Variants in PGM3 observed in about 807,000 individuals in gnomAD.
PGM3 encodes phosphoglucomutase 3.
In PGM3, 40 loss-of-function variants were observed where a neutral mutation model predicts 66.2. The ratio of observed to expected loss-of-function variants is 0.60; its 90% CI spans 0.47 to 0.79. The LOEUF (loss-of-function observed/expected upper bound fraction) is 0.79, where lower values mean the gene tolerates loss of function less well. Among genes scored for constraint, PGM3 ranks in the 30% least tolerant of loss-of-function variants. The pLI is 0.00. For missense variants in PGM3, 537 were observed against 643.4 expected (o/e 0.83, Z 1.79); for synonymous variants, 191 against 224.2 (o/e 0.85, Z 1.32).
chr6:83,174,293 T>C lies in PGM3; in HGVS notation c.1242+81A>G, dbSNP rs1787583558. On this transcript the variant is annotated intron_variant, in intron 10 of 12. Transcript: ENST00000513973. ...GGCCAGGACGTCTCCACTTTAATTT[T>C]GTATGCACCCACACTCTGTTCTGTC... 4.1e-6 allele frequency: 3 copies of C among 732,362 alleles called. No homozygotes were observed. In the Admixed American group the frequency reaches 8.7e-5, roughly 21 times the overall value. 45.4% of individuals were successfully genotyped at this position (732,362 alleles called of 1,614,324 possible). A position where few individuals can be genotyped will look rare whatever the true frequency, so the allele number is the denominator to read the frequency against.
At position 83,187,043 on chromosome 6, in the gene PGM3, A is replaced by G; in HGVS notation, c.422T>C (p.Ile141Thr). The stretch of plus-strand genomic sequence containing the variant: ...ACCTCCTAGAACAGTCACACCATCT[A>G]TTACAGATTGTGAAAGTTTCTCACT... ...PSSEKLSQSV[I>T]DGVTVLGGQF... is the part of the protein sequence containing the mutation. Residue 141 changes from isoleucine (I) to threonine (T), a missense_variant, in exon 4 of 13, where the codon ATA becomes ACA. Coordinates refer to ENST00000513973, the MANE Select transcript of PGM3 (RefSeq NM_015599.3). The G allele has an allele frequency of 6.2e-7, 1 of 1,603,104 alleles. No homozygotes were observed. Among genetic ancestry groups the G allele is most frequent in the African/African-American group, 1.3e-5 (1 of 74,870 alleles).
At chr6:83,159,691 T>C (rs1057095743), downstream of PGM3, 1 of 1,274,126 alleles carries the variant, frequency 7.8e-7, no homozygotes, top group Non-Finnish European at 1.1e-6. Flanking sequence ...GGCACATTTA[T>C]CTCAGGATGA....
intron 8 of PGM3, among the ~76,000 whole-genome samples, chr6:83,177,186 C>G (rs1019537741): frequency 2.6e-4 from 39 of 152,126 alleles, no homozygotes; most frequent in African/African-American, 8.7e-4. Context: ...CTGCAGGAAT[C>G]TGACTTTGTA....
At chr6:83,158,567 G>T (rs1253375174), downstream of PGM3, 6 of 1,598,800 alleles carry the variant, frequency 3.8e-6, no homozygotes, top group Non-Finnish European at 5.1e-6. Flanking sequence ...CCATTTTCAG[G>T]TACAAGTATT....
At chr6:83,189,947 G>C (rs1788918797) in intron 2 of PGM3, among the ~76,000 whole-genome samples, 1 of 152,210 alleles carries the variant, frequency 6.6e-6, no homozygotes, top group Non-Finnish European at 1.5e-5. Flanking sequence ...GAAACTCACA[G>C]AAACACAGAG....
chr6:83,154,080 C>T, the PGM3 span: 3 of 1,612,982 alleles, frequency 1.9e-6, no homozygotes, highest in East Asian at 2.2e-5. Flanking sequence ...GCATGATGCA[C>T]CTCACAGTCT....
chr6:83,170,774 G>A (rs1472248526), intron 11 of PGM3: 1 of 235,286 alleles, frequency 4.3e-6, no homozygotes, highest in Non-Finnish European at 8.2e-6. Context: ...AACAGGATAA[G>A]TGGTAGCCCA....
chr6:83,169,044 T>A lies in PGM3; in HGVS notation c.*190A>T. 1 of 1,375,598 alleles carries A rather than the reference T, an allele frequency of 7.3e-7. No homozygotes were observed. The allele number at this position is 1,375,598 out of a possible 1,614,324, so 85.2% of individuals were successfully genotyped here. On this transcript the variant is annotated 3_prime_UTR_variant, in exon 13 of 13. Coordinates refer to ENST00000513973, the MANE Select transcript of PGM3 (RefSeq NM_015599.3). The stretch of plus-strand genomic sequence containing the variant: ...GACTGAAATTAGAGGTAAATTTCTT[T>A]AACAAGTGTAAGGCTTACCTATTTA...
chr6:83,172,167 C>T, intron 10 of PGM3, 108 bp from the exon 11 acceptor site: 1 of 1,052,070 alleles, frequency 9.5e-7, no homozygotes, highest in South Asian at 1.5e-5. Context: ...CAACCTGAAT[C>T]TGAAACATGC....
rs1446056675 is a variant in PGM3 at position 83,168,180 on chromosome 6, G to A, written c.*1054C>T. Reference sequence around the variant, plus strand: ...GATAAAAACTTGAGCACCATTGCTGGTTCCATTTAGCTTACATGTAAATGT... The same window carrying A: ...GATAAAAACTTGAGCACCATTGCTGATTCCATTTAGCTTACATGTAAATGT... On this transcript the variant is annotated 3_prime_UTR_variant, in exon 13 of 13. Coordinates refer to ENST00000513973, the MANE Select transcript of PGM3 (RefSeq NM_015599.3). 6.2e-7 allele frequency: 1 copy of A among 1,604,022 alleles called. No individual in the cohort carries two copies. Among genetic ancestry groups the A allele is most frequent in the African/African-American group, 1.3e-5 (1 of 74,352 alleles).
intron 6 of PGM3, among the ~76,000 whole-genome samples, chr6:83,180,862 T>A (rs1214549515): frequency 6.6e-6 from 1 of 152,228 alleles, no homozygotes; most frequent in Non-Finnish European, 1.5e-5. Flanking sequence ...GGCAACTGGA[T>A]GAAGTCTGTA....
intron 10 of PGM3, 47 bp downstream of exon 10, chr6:83,174,327 G>A: frequency 1.0e-6 from 1 of 991,126 alleles, no homozygotes; most frequent in Non-Finnish European, 1.6e-6. Context: ...TCCATCTTCT[G>A]AATAATGTAA....
At chr6:83,151,556 A>G in the PGM3 span, 1 of 1,546,530 alleles carries the variant, frequency 6.5e-7, no homozygotes, top group Non-Finnish European at 8.8e-7. Context: ...TTTTAGCCTG[A>G]TATTTCCCGT....
chr6:83,168,500 A>G lies in PGM3; in HGVS notation c.*734T>C. 1 of 1,016,900 alleles carries G rather than the reference A, an allele frequency of 9.8e-7. No homozygotes were observed. The highest frequency in any genetic ancestry group is 1.2e-6 in the Non-Finnish European group (1 of 850,472). The allele number at this position is 1,016,900 out of a possible 1,614,324, so 63.0% of individuals were successfully genotyped here. Reference sequence around the variant, plus strand: ...TGGTTTCAGACTTGGTTCAATTAAGATTGGTTGGGGATTTTTCTCTTTTCC... The same window carrying G: ...TGGTTTCAGACTTGGTTCAATTAAGGTTGGTTGGGGATTTTTCTCTTTTCC... On this transcript the variant is annotated 3_prime_UTR_variant, in exon 13 of 13. Transcript: ENST00000513973.
intron 2 of PGM3, among the ~76,000 whole-genome samples, chr6:83,190,242 C>T (rs1310121948): frequency 6.6e-6 from 1 of 152,114 alleles, no homozygotes; most frequent in African/African-American, 2.4e-5. Context: ...TTGAATTATA[C>T]AATTTTTATT....
At position 83,166,619 on chromosome 6, in the gene PGM3, T is replaced by C. The variant is rs903131762; in HGVS notation, c.*2615A>G. The stretch of plus-strand genomic sequence containing the variant: ...TAACATAACCACATTTATTTAAGAA[T>C]GTACTCCAATATAAAACGGCAAATT... On this transcript the variant is annotated 3_prime_UTR_variant, in exon 13 of 13. Coordinates refer to ENST00000513973, the MANE Select transcript of PGM3 (RefSeq NM_015599.3). The C allele has an allele frequency of 2.6e-6, 2 of 768,232 alleles. No homozygotes were observed. Among genetic ancestry groups the C allele is most frequent in the African/African-American group, 3.6e-5 (2 of 56,300 alleles). The allele number at this position is 768,232 out of a possible 1,614,324, so 47.6% of individuals were successfully genotyped here.
chr6:83,174,347 A>G (rs1318904899), intron 10 of PGM3, 27 bp downstream of exon 10: 2 of 1,140,736 alleles, frequency 1.8e-6, no homozygotes, highest in South Asian at 2.5e-5. Flanking sequence ...AAGGTAACCA[A>G]GAGTCCACTG....
At chr6:83,153,584 T>C in the PGM3 span, 22 of 1,609,610 alleles carry the variant, frequency 1.4e-5, no homozygotes, top group Non-Finnish European at 1.8e-5. Flanking sequence ...CTTGTAAATA[T>C]TATGCATTAT....
At chr6:83,152,158 G>A in the PGM3 span, 7 of 1,017,684 alleles carry the variant, frequency 6.9e-6, no homozygotes, top group Admixed American at 1.5e-4. Flanking sequence ...CTTTTTTTCA[G>A]TGGGAAAAAT....
Sources: allele counts gnomAD v4.1 joint callset (sites outside exome capture counted in the v4.1 genomes callset), GRCh38; gene constraint gnomAD v4.1.1; transcripts MANE v1.5; gene names NCBI Gene and HGNC (gene_info 2026-07-23, HGNC 2026-07-21).